The following ASPHD1 variants were observed in gnomAD, a reference collection of about 807,000 sequenced individuals.
The protein encoded by ASPHD1 is aspartate beta-hydroxylase domain containing 1, also known as aspartate beta-hydroxylase domain-containing protein 1.
ASPHD1 carries 20 observed loss-of-function variants against 28.3 expected under a neutral mutation model. That is an observed-to-expected ratio of 0.71 (90% CI 0.50 to 1.03). The LOEUF is 1.03. Ranked by LOEUF, ASPHD1 falls within the 50% of genes least tolerant of loss-of-function variation. ASPHD1 has a pLI of 0.00. For missense variants in ASPHD1, 479 were observed against 524.1 expected, an observed-to-expected ratio of 0.91 and a Z score of 0.84; for synonymous variants, 240 against 221.2, an observed-to-expected ratio of 1.08 and a Z score of -0.75.
Position 29,901,695 on chromosome 16 carries a change from T to TCCCCACCTCTGGC in ASPHD1, c.729_741dup (p.Gly248ThrfsTer82). 6.3e-7 allele frequency: 1 copy of TCCCCACCTCTGGC among 1,582,278 alleles called. No homozygotes were observed. Among genetic ancestry groups the TCCCCACCTCTGGC allele is most frequent in the Non-Finnish European group, 8.6e-7 (1 of 1,168,012 alleles). On this transcript the variant is annotated frameshift_variant, in exon 1 of 3. Coordinates refer to ENST00000308748, the MANE Select transcript of ASPHD1 (RefSeq NM_181718.4). LOFTEE classifies it high-confidence loss of function. The surrounding 1 kb of genome is among the most constrained non-coding windows in gnomAD (Gnocchi z 5.1). ...GACTACCCCTCCGCCTCGGGGCTGG[T>TCCCCACCTCTGGC]CCCCACCTCTGGCCCCCGGGTGCTA...
At chr16:29,902,012 T>C in intron 1 of ASPHD1, 92 bp downstream of exon 1, 1 of 1,048,964 alleles carries the variant, frequency 9.5e-7, no homozygotes, top group Non-Finnish European at 1.3e-6. Context: ...TGTCTGGTTC[T>C]CATTGTGCCT....
chr16:29,915,739 C>T lies in ASPHD1; in HGVS notation c.*63-3792C>T, dbSNP rs750442035. On this transcript the variant is annotated intron_variant and NMD_transcript_variant, in intron 3 of 3. Transcript: ENST00000414952. ...TCAGAAGCGTGATTATTATTTCATT[C>T]GACTGGAAGTCCCCTCTGAGGCATC... 5.9e-5 allele frequency among the ~76,000 whole-genome samples: 9 copies of T among 152,240 alleles called. 1 individual carries two copies. The highest frequency in any genetic ancestry group is 3.3e-4 in the Admixed American group (5 of 15,288).
At chr16:29,917,906 C>G (rs1436268449) in intron 3 of ASPHD1, among the ~76,000 whole-genome samples, 2 of 152,106 alleles carry the variant, frequency 1.3e-5, no homozygotes, top group Non-Finnish European at 2.9e-5. Context: ...CGAGATGACA[C>G]CATTGAACTC....
intron 3 of ASPHD1, chr16:29,912,348 G>A: frequency 4.1e-6 from 2 of 488,666 alleles, no homozygotes; most frequent in South Asian, 2.6e-5. Context: ...ATGCCATTCA[G>A]ATCGCAGGTC....
At chr16:29,912,786 C>T (rs1378480137) in intron 3 of ASPHD1, among the ~76,000 whole-genome samples, 1 of 152,192 alleles carries the variant, frequency 6.6e-6, no homozygotes, top group Non-Finnish European at 1.5e-5. Context: ...CTTTTTCTAA[C>T]TTTTTGTATT....
At chr16:29,913,764 T>G (rs765869856) in intron 3 of ASPHD1, 2 of 150,430 alleles carry the variant, frequency 1.3e-5, no homozygotes, top group Non-Finnish European at 3.0e-5. Context: ...TGCTTGAGTA[T>G]CCTCGCAGCA....
At chr16:29,905,034 G>A in intron 2 of ASPHD1, 69 bp downstream of exon 2, 1 of 1,157,280 alleles carries the variant, frequency 8.6e-7, no homozygotes. Flanking sequence ...CTAGAAGGCA[G>A]CAGAATCAGG....
Position 29,900,718 on chromosome 16 carries a change from C to T in ASPHD1, c.-254C>T. The T allele has an allele frequency of 1.8e-6, 1 of 561,794 alleles. No individual in the cohort carries two copies. The highest frequency in any genetic ancestry group is 1.9e-5 in the African/African-American group (1 of 52,472). The allele number at this position is 561,794 out of a possible 1,614,324, so 34.8% of individuals were successfully genotyped here. A position where few individuals can be genotyped will look rare whatever the true frequency, so the allele number is the denominator to read the frequency against. On this transcript the variant is annotated 5_prime_UTR_variant, in exon 1 of 3. Transcript: ENST00000308748. Reference sequence around the variant, plus strand: ...CGCGGAGGAAGACAGGCTGCGGGTTCCCGGGACTGCAGGTCCAGGCAGGGT... The same window carrying T: ...CGCGGAGGAAGACAGGCTGCGGGTTTCCGGGACTGCAGGTCCAGGCAGGGT...
chr16:29,905,274 C>T, intron 2 of ASPHD1: 1 of 274,100 alleles, frequency 3.6e-6, no homozygotes, highest in Non-Finnish European at 6.9e-6. Context: ...GCCTCTGTTG[C>T]TTTGTATAAA....
downstream of ASPHD1, chr16:29,906,739 G>C: frequency 1.4e-6 from 1 of 731,150 alleles, no homozygotes; most frequent in Admixed American, 2.1e-5. Flanking sequence ...AAAGTGAGCT[G>C]TGCCATGCAA....
chr16:29,916,100 A>G (rs536288441), intron 3 of ASPHD1, among the ~76,000 whole-genome samples: 1 of 152,218 alleles, frequency 6.6e-6, no homozygotes. Flanking sequence ...TACCCTCCAC[A>G]CTAATGCAGG....
intron 3 of ASPHD1, chr16:29,911,275 C>T: frequency 2.1e-6 from 2 of 930,570 alleles, no homozygotes. Context: ...TGCTCCTGCC[C>T]AGGGCTTTGG....
At chr16:29,912,148 C>T (rs1257141124) in intron 3 of ASPHD1, 3 of 774,356 alleles carry the variant, frequency 3.9e-6, no homozygotes, top group African/African-American at 1.8e-5. Flanking sequence ...CTCCAGACTC[C>T]TCAGTGGTCC....
chr16:29,918,563 C>T (rs1304331437), intron 3 of ASPHD1, among the ~76,000 whole-genome samples: 2 of 152,164 alleles, frequency 1.3e-5, no homozygotes, highest in Non-Finnish European at 2.9e-5. Flanking sequence ...CTCTGCCTCC[C>T]AGGTTCATAT....
intron 2 of ASPHD1, 117 bp from the exon 3 acceptor site, chr16:29,905,671 G>A: frequency 4.0e-6 from 2 of 495,600 alleles, no homozygotes; most frequent in Admixed American, 3.2e-5. Context: ...TACATTTAAA[G>A]GGTTAGAACA....
At chr16:29,909,830 G>A (rs748451723), downstream of ASPHD1, among the ~76,000 whole-genome samples, 23 of 151,918 alleles carry the variant, frequency 1.5e-4, no homozygotes, top group Non-Finnish European at 3.1e-4. Context: ...AGCACTTTGG[G>A]AGGCCGAGGA....
chr16:29,914,975 CA>C (rs538063744), intron 3 of ASPHD1: 293 of 128,536 alleles, frequency 2.3e-3, no homozygotes, highest in Admixed American at 2.0e-3. Flanking sequence ...GACTCTGTCT[CA>C]AAAAAAAAAA....
In ASPHD1 at chr16:29,905,779, G is replaced by C. The variant is rs1178557558; in HGVS notation, c.1064-9G>C. The C allele has an allele frequency of 6.2e-7, 1 of 1,610,110 alleles. No individual in the cohort carries two copies. Among genetic ancestry groups the C allele is most frequent in the South Asian group, 1.1e-5 (1 of 90,912 alleles). Reference sequence around the variant, plus strand: ...AGTGGCTCTGCTGTTCCTGTCCCATGTGCCCTAGGCTCCCCCGAAGATGGG... The same window carrying C: ...AGTGGCTCTGCTGTTCCTGTCCCATCTGCCCTAGGCTCCCCCGAAGATGGG... On this transcript the variant is annotated splice_polypyrimidine_tract_variant and intron_variant, in intron 2 of 2. Transcript: ENST00000308748.
rs932436653 is a variant in ASPHD1, at chr16:29,912,185, G to A, written c.*62+6226G>A. Reference sequence around the variant, plus strand: ...CAGGGCTCTGCAGGCTCCAAGCTCCGCCAGCCTCTCTGCCACTCTCCCTTT... The same window carrying A: ...CAGGGCTCTGCAGGCTCCAAGCTCCACCAGCCTCTCTGCCACTCTCCCTTT... On this transcript the variant is annotated intron_variant and NMD_transcript_variant, in intron 3 of 3. Coordinates refer to the ASPHD1 transcript ENST00000414952. 3.4e-5 allele frequency: 23 copies of A among 671,060 alleles called. No individual in the cohort carries two copies. In the East Asian group the frequency reaches 4.5e-4, roughly 13 times the overall value. 41.6% of individuals were successfully genotyped at this position (671,060 alleles called of 1,614,324 possible).
Sources: allele counts gnomAD v4.1 joint callset (sites outside exome capture counted in the v4.1 genomes callset), GRCh38; gene constraint gnomAD v4.1.1; non-coding constraint Gnocchi (gnomAD v3.1); transcripts MANE v1.5; gene names NCBI Gene and HGNC (gene_info 2026-07-23, HGNC 2026-07-21).